The following EPS15L1 variants were observed in gnomAD, a reference collection of about 807,000 sequenced individuals.
EPS15L1 encodes the protein epidermal growth factor receptor substrate 15-like 1.
Under a neutral mutation model 117.1 loss-of-function variants are expected in EPS15L1, and 43 were observed. That is an observed-to-expected ratio of 0.37 (90% CI 0.29 to 0.47). The LOEUF is 0.47. Among genes scored for constraint, EPS15L1 ranks in the 20% least tolerant of loss-of-function variants. EPS15L1 has a pLI of 0.99. For synonymous variants in EPS15L1, 459 were observed against 470.5 expected (o/e 0.98, Z 0.32); for missense variants, 981 against 1,164.0 (o/e 0.84, Z 2.29).
At chr19:16,428,821 C>A in intron 7 of EPS15L1, 60 bp from the exon 8 acceptor site, 1 of 1,369,792 alleles carries the variant, frequency 7.3e-7, no homozygotes, top group Non-Finnish European at 1.0e-6. Flanking sequence ...AGAGTGAGAC[C>A]ACCTGCCGGA....
chr19:16,412,940 A>G (rs371290939), intron 13 of EPS15L1: 5 of 661,820 alleles, frequency 7.6e-6, no homozygotes, highest in East Asian at 6.2e-5. Flanking sequence ...GAGGAGAGCT[A>G]TCTCTTCTCC....
At chr19:16,380,148 C>G (rs2092344963) in intron 21 of EPS15L1, among the ~76,000 whole-genome samples, 1 of 151,798 alleles carries the variant, frequency 6.6e-6, no homozygotes, top group Non-Finnish European at 1.5e-5. Flanking sequence ...CGCACAGACG[C>G]AGCCATCTAA....
intron 1 of EPS15L1, among the ~76,000 whole-genome samples, chr19:16,459,291 C>T (rs2093226443): frequency 6.6e-6 from 1 of 152,168 alleles, no homozygotes; most frequent in Non-Finnish European, 1.5e-5. Flanking sequence ...CTCCTGCCTC[C>T]ACACTCCCAT....
chr19:16,439,470 T>C (rs527960658), intron 4 of EPS15L1, among the ~76,000 whole-genome samples: 88 of 152,052 alleles, frequency 5.8e-4, no homozygotes, highest in Non-Finnish European at 1.1e-3. Flanking sequence ...GATGGGAGGA[T>C]TGCTTGAGCA....
At chr19:16,414,712 G>GTT (rs562460865) in intron 12 of EPS15L1, among the ~76,000 whole-genome samples, 1,977 of 126,994 alleles carry the variant, frequency 0.016, 138 homozygotes, top group Admixed American at 0.13. Flanking sequence ...TTTTGGTTTT[G>GTT]TTTTTTTTTT....
intron 10 of EPS15L1, among the ~76,000 whole-genome samples, chr19:16,420,215 A>G (rs994545152): frequency 1.3e-5 from 2 of 152,140 alleles, no homozygotes; most frequent in Non-Finnish European, 2.9e-5. Context: ...ATGACCTCTG[A>G]GTTCCTTCTT....
rs1054142062 is a variant in EPS15L1, at chr19:16,365,596, G to A, written c.2381-3612C>T. 1.3e-5 allele frequency among the ~76,000 whole-genome samples: 2 copies of A among 152,316 alleles called. No individual in the cohort carries two copies. Among genetic ancestry groups the A allele is most frequent in the Non-Finnish European group, 2.9e-5 (2 of 68,016 alleles). On this transcript the variant is annotated intron_variant, in intron 22 of 23. Coordinates refer to ENST00000455140, the MANE Select transcript of EPS15L1 (RefSeq NM_001258374.3). The surrounding 1 kb of genome is among the most constrained non-coding windows in gnomAD (Gnocchi z 4.9). Reference sequence around the variant, plus strand: ...AAAGCCACCGGCAGGGGCACCCTGGGGGACAGTGTGACAGTGTCCTGCACC... The same window carrying A: ...AAAGCCACCGGCAGGGGCACCCTGGAGGACAGTGTGACAGTGTCCTGCACC...
chr19:16,415,792 G>A (rs1286438927), intron 12 of EPS15L1, among the ~76,000 whole-genome samples: 4 of 152,196 alleles, frequency 2.6e-5, no homozygotes, highest in Non-Finnish European at 4.4e-5. Context: ...ACGCCCCAGC[G>A]TCCCTTCCTA....
At chr19:16,461,452 T>C (rs2093250565) in intron 1 of EPS15L1, among the ~76,000 whole-genome samples, 1 of 151,794 alleles carries the variant, frequency 6.6e-6, no homozygotes, top group East Asian at 1.9e-4. Context: ...AGAAACCCCA[T>C]CTCTACAAAA....
chr19:16,361,764 G>A lies in EPS15L1; in HGVS notation c.2586+15C>T. 6.2e-7 allele frequency: 1 copy of A among 1,608,766 alleles called. No individual in the cohort carries two copies. The highest frequency in any genetic ancestry group is 1.1e-5 in the South Asian group (1 of 90,100). On this transcript the variant is annotated intron_variant, in intron 23 of 23. Transcript: ENST00000455140. ...AAGGGAGTGGGGTGGCCCGGAGGCG[G>A]AGGACTCAACTTACAGAGGTGAAGT...
intron 6 of EPS15L1, chr19:16,436,681 T>C: frequency 2.4e-6 from 1 of 422,002 alleles, no homozygotes; most frequent in Non-Finnish European, 4.2e-6. Flanking sequence ...ATCCAACTCC[T>C]GACACTTAGT....
At chr19:16,465,835 AAAAC>A (rs1317044703) in intron 1 of EPS15L1, among the ~76,000 whole-genome samples, 16 of 152,182 alleles carry the variant, frequency 1.1e-4, no homozygotes, top group Non-Finnish European at 1.6e-4. Context: ...CATAAACTTA[AAAAC>A]AAACAAACAA....
At chr19:16,441,245 C>T (rs192873956) in intron 3 of EPS15L1, 22 of 338,776 alleles carry the variant, frequency 6.5e-5, no homozygotes, top group Middle Eastern at 1.0e-3. Flanking sequence ...CCAAGGTGGG[C>T]GATTCACCTG....
chr19:16,400,740 T>G (rs2092592400), intron 16 of EPS15L1: 1 of 985,350 alleles, frequency 1.0e-6, no homozygotes, highest in Admixed American at 6.1e-5. Flanking sequence ...AAAGTAATTG[T>G]GTCTCAGGTA....
At chr19:16,408,264 G>A (rs551112482) in intron 13 of EPS15L1, among the ~76,000 whole-genome samples, 18 of 152,066 alleles carry the variant, frequency 1.2e-4, no homozygotes, top group Non-Finnish European at 1.9e-4. Context: ...AACAGTCCAC[G>A]GAGTCCACAC....
chr19:16,401,352 C>T (rs2092599638), intron 16 of EPS15L1: 1 of 985,354 alleles, frequency 1.0e-6, no homozygotes, highest in Non-Finnish European at 1.2e-6. Context: ...CATAAAGAGG[C>T]AAGTGTGGTG....
chr19:16,360,078 T>A (rs1219222378), intron 23 of EPS15L1, among the ~76,000 whole-genome samples: 1 of 148,866 alleles, frequency 6.7e-6, no homozygotes, highest in Non-Finnish European at 1.5e-5. Flanking sequence ...TTTTTTTTTT[T>A]ATGCTTTTCG....
At chr19:16,419,505 C>T (rs1455765439) in intron 10 of EPS15L1, among the ~76,000 whole-genome samples, 1 of 151,944 alleles carries the variant, frequency 6.6e-6, no homozygotes, top group Non-Finnish European at 1.5e-5. Context: ...GGGAAGGGAC[C>T]CTTGTGGAGT....
intron 19 of EPS15L1, among the ~76,000 whole-genome samples, chr19:16,387,302 A>T (rs193059413): frequency 3.0e-4 from 45 of 152,340 alleles, no homozygotes; most frequent in African/African-American, 1.0e-3. Flanking sequence ...TGTCTCTACT[A>T]AAAATACAAA....
Sources: allele counts gnomAD v4.1 joint callset (sites outside exome capture counted in the v4.1 genomes callset), GRCh38; gene constraint gnomAD v4.1.1; non-coding constraint Gnocchi (gnomAD v3.1); transcripts MANE v1.5; gene names NCBI Gene and HGNC (gene_info 2026-07-23, HGNC 2026-07-21).